Variants in RBBP9 observed in about 807,000 individuals in gnomAD.
RBBP9 encodes the protein RB binding protein 9, serine hydrolase, also known as serine hydrolase RBBP9.
A neutral mutation model predicts 24.2 loss-of-function variants in RBBP9; 20 were observed. The observed-to-expected ratio is 0.83, with a 90% CI of 0.58 to 1.20. RBBP9 has a LOEUF of 1.20. Ranked by LOEUF, RBBP9 falls within the 50% of genes most tolerant of loss-of-function variation. The probability of loss-of-function intolerance (pLI) is 0.00; values close to 1 mark genes in which losing one functional copy is unlikely to be tolerated. For synonymous variants in RBBP9, 74 were observed against 84.6 expected, an observed-to-expected ratio of 0.87 and a Z score of 0.69; for missense variants, 234 against 233.6, an observed-to-expected ratio of 1.00 and a Z score of -0.01.
chr20:18,491,687 A>G (rs1451007317), intron 3 of RBBP9, among the ~76,000 whole-genome samples: 1 of 152,230 alleles, frequency 6.6e-6, no homozygotes, highest in Non-Finnish European at 1.5e-5. Context: ...CATAGTAGTA[A>G]TAATTTCAAG....
intron 3 of RBBP9, among the ~76,000 whole-genome samples, chr20:18,490,868 G>A (rs999663857): frequency 7.9e-5 from 12 of 151,902 alleles, no homozygotes; most frequent in South Asian, 2.1e-4. Flanking sequence ...TAGTAGAGAC[G>A]GGGTTTCACC....
chr20:18,495,876 G>C lies in RBBP9; in HGVS notation c.104C>G (p.Pro35Arg). ...GWVKKELEKI[P>R]GFQCLAKNMP... ...GTTTTTAGCCAAACACTGGAAACCAGGTATCTATGATATGAGGGGGGAGAA... is the reference window on the plus strand; with the variant it reads ...GTTTTTAGCCAAACACTGGAAACCACGTATCTATGATATGAGGGGGGAGAA... The change falls in exon 2 of 5, where the codon CCT (proline) becomes CGT (arginine). Residue 35 changes from proline (P) to arginine (R), a missense_variant. Transcript: ENST00000337227. The C allele has an allele frequency of 6.4e-7, 1 of 1,554,298 alleles. No homozygotes were observed. Among genetic ancestry groups the C allele is most frequent in the Non-Finnish European group, 8.8e-7 (1 of 1,135,084 alleles).
chr20:18,489,988 A>G lies in RBBP9; in HGVS notation c.337T>C (p.Tyr113His). 1 of 1,591,164 alleles carries G rather than the reference A, an allele frequency of 6.3e-7. No homozygotes were observed. Among genetic ancestry groups the G allele is most frequent in the Non-Finnish European group, 8.6e-7 (1 of 1,162,064 alleles). The change falls in exon 5 of 5, where the codon TAC (tyrosine) becomes CAC (histidine). Residue 113 changes from tyrosine to histidine, a missense_variant and splice_region_variant. Coordinates refer to ENST00000337227, the MANE Select transcript of RBBP9 (RefSeq NM_006606.3). Reference protein sequence around the residue: ...LGDENERASGYFTRPWQWEKI... With the variant: ...LGDENERASGHFTRPWQWEKI... Reference sequence around the variant, plus strand: ...TCCCACTGCCAGGGGCGGGTGAAGTATCCTATGGGGAAAAAAAAATGATCT... The same window carrying G: ...TCCCACTGCCAGGGGCGGGTGAAGTGTCCTATGGGGAAAAAAAAATGATCT...
intron 3 of RBBP9, among the ~76,000 whole-genome samples, chr20:18,490,867 C>T (rs754146766): frequency 2.6e-5 from 4 of 151,620 alleles, no homozygotes; most frequent in Admixed American, 6.6e-5. Context: ...TTAGTAGAGA[C>T]GGGGTTTCAC....
In RBBP9 at chr20:18,490,009, G is replaced by A; in HGVS notation, c.335-19C>T. 1 of 1,529,824 alleles carries A rather than the reference G, an allele frequency of 6.5e-7. No individual in the cohort carries two copies. The highest frequency in any genetic ancestry group is 9.0e-7 in the Non-Finnish European group (1 of 1,111,676). 94.8% of individuals were successfully genotyped at this position (1,529,824 alleles called of 1,614,324 possible). ...AAGTATCCTATGGGGAAAAAAAAAT[G>A]ATCTTTCAGTACCCATGGATAATCT... is the stretch of plus-strand genomic sequence containing the variant. On this transcript the variant is annotated intron_variant, in intron 4 of 4. Coordinates refer to ENST00000337227, the MANE Select transcript of RBBP9 (RefSeq NM_006606.3).
At chr20:18,491,903 C>T (rs2059867298) in intron 3 of RBBP9, among the ~76,000 whole-genome samples, 1 of 151,940 alleles carries the variant, frequency 6.6e-6, no homozygotes, top group South Asian at 2.1e-4. Context: ...TCAAGACCAG[C>T]CTGACCAATA....
intron 1 of RBBP9, 139 bp from the exon 2 acceptor site, chr20:18,496,019 G>T: frequency 1.4e-6 from 1 of 740,690 alleles, no homozygotes; most frequent in South Asian, 2.0e-5. Context: ...TAGGTTAAGT[G>T]ACCATCTTTT....
intron 3 of RBBP9, 83 bp from the exon 4 acceptor site, chr20:18,490,563 T>C: frequency 9.7e-7 from 1 of 1,030,586 alleles, no homozygotes; most frequent in Non-Finnish European, 1.5e-6. Context: ...AAAAACTCAT[T>C]TGAGGTAGCC....
chr20:18,495,756 G>T, intron 2 of RBBP9, 82 bp downstream of exon 2: 3 of 1,366,816 alleles, frequency 2.2e-6, no homozygotes, highest in Non-Finnish European at 3.1e-6. Flanking sequence ...CCTCCACTAT[G>T]ATATTCTTGT....
intron 2 of RBBP9, among the ~76,000 whole-genome samples, chr20:18,495,137 G>A (rs2059880922): frequency 6.7e-6 from 1 of 149,902 alleles, no homozygotes; most frequent in Admixed American, 6.7e-5. Flanking sequence ...CAGTTTTGTG[G>A]AATAGAAAGG....
rs1423726203 is a variant in RBBP9, at chr20:18,487,300, GAAGAGTATCAGAATTATTTCTC to G, written c.*2442_*2463del. On this transcript the variant is annotated 3_prime_UTR_variant, in exon 5 of 5. Transcript: ENST00000337227. The stretch of plus-strand genomic sequence containing the variant: ...CTATCTTAATTACTTTTATAGGAAT[GAAGAGTATCAGAATTATTTCTC>G]AATTATATATATTTAGTTTTCATTT... The G allele has an allele frequency of 1.3e-5, 2 of 152,206 alleles. No homozygotes were observed. The highest frequency in any genetic ancestry group is 2.9e-5 in the Non-Finnish European group (2 of 68,038). The allele number at this position is 152,206 out of a possible 1,614,324, so 9.4% of individuals were successfully genotyped here. A position where few individuals can be genotyped will look rare whatever the true frequency, so the allele number is the denominator to read the frequency against.
intron 3 of RBBP9, 108 bp from the exon 4 acceptor site, chr20:18,490,588 G>T: frequency 2.8e-6 from 2 of 720,320 alleles, no homozygotes; most frequent in Non-Finnish European, 4.7e-6. Context: ...GAAAGCACGT[G>T]CTACCTGCTG....
In RBBP9 at chr20:18,490,376, T is replaced by C. The variant is rs766406220; in HGVS notation, c.334+19A>G. The C allele has an allele frequency of 2.3e-5, 36 of 1,597,410 alleles. No homozygotes were observed. Among genetic ancestry groups the C allele is most frequent in the Non-Finnish European group, 2.9e-5 (34 of 1,164,848 alleles). On this transcript the variant is annotated intron_variant, in intron 4 of 4. Coordinates refer to ENST00000337227, the MANE Select transcript of RBBP9 (RefSeq NM_006606.3). ...TGTCTAGAGAAGGGCTTTGCTCAGA[T>C]TTCTACCTTTGGACTTACCACTTGC...
chr20:18,486,760 G>A lies in RBBP9; in HGVS notation c.*3004C>T, dbSNP rs1306836407. 3.9e-5 allele frequency: 6 copies of A among 152,140 alleles called. No homozygotes were observed. Among genetic ancestry groups the A allele is most frequent in the South Asian group, 2.1e-4 (1 of 4,808 alleles). The allele number at this position is 152,140 out of a possible 1,614,324, so 9.4% of individuals were successfully genotyped here. A position where few individuals can be genotyped will look rare whatever the true frequency, so the allele number is the denominator to read the frequency against. On this transcript the variant is annotated 3_prime_UTR_variant, in exon 5 of 5. Coordinates refer to ENST00000337227, the MANE Select transcript of RBBP9 (RefSeq NM_006606.3). ...TACAGTTGATTTCCATTCAGTATTC[G>A]GTATTTTGCTCACCTGAGAATAGAT... is the stretch of plus-strand genomic sequence containing the variant.
At chr20:18,492,003 A>T (rs2059867629) in intron 3 of RBBP9, among the ~76,000 whole-genome samples, 1 of 149,998 alleles carries the variant, frequency 6.7e-6, no homozygotes, top group Non-Finnish European at 1.5e-5. Context: ...AGGCTAAGAC[A>T]GGAGAATTGC....
chr20:18,487,328 T>C lies in RBBP9; in HGVS notation c.*2436A>G, dbSNP rs1249476510. 6.6e-6 allele frequency: 1 copy of C among 152,236 alleles called. No homozygotes were observed. The highest frequency in any genetic ancestry group is 1.5e-5 in the Non-Finnish European group (1 of 68,046). The allele number at this position is 152,236 out of a possible 1,614,324, so 9.4% of individuals were successfully genotyped here. A position where few individuals can be genotyped will look rare whatever the true frequency, so the allele number is the denominator to read the frequency against. On this transcript the variant is annotated 3_prime_UTR_variant, in exon 5 of 5. Transcript: ENST00000337227. ...GAGTATCAGAATTATTTCTCAATTA[T>C]ATATATTTAGTTTTCATTTCTACAG...
intron 2 of RBBP9, among the ~76,000 whole-genome samples, chr20:18,494,893 A>G (rs1045789616): frequency 7.2e-5 from 11 of 152,334 alleles, no homozygotes; most frequent in African/African-American, 2.6e-4. Flanking sequence ...AAATATTTGT[A>G]GACATATAGA....
chr20:18,490,536 A>G lies in RBBP9; in HGVS notation c.249-56T>C, dbSNP rs951085002. On this transcript the variant is annotated intron_variant, in intron 3 of 4. Coordinates refer to ENST00000337227, the MANE Select transcript of RBBP9 (RefSeq NM_006606.3). ...TATAATGTTACCTCTGATCACCAAAAAGTCAATAAACTACTTAAAAACTCA... is the reference window on the plus strand; with the variant it reads ...TATAATGTTACCTCTGATCACCAAAGAGTCAATAAACTACTTAAAAACTCA... The G allele has an allele frequency of 6.8e-6, 9 of 1,329,804 alleles. No individual in the cohort carries two copies. The African/African-American group carries it at 1.3e-4, about 19-fold the overall frequency. The allele number at this position is 1,329,804 out of a possible 1,614,324, so 82.4% of individuals were successfully genotyped here.
At position 18,489,702 on chromosome 20, in the gene RBBP9, A is replaced by G; in HGVS notation, c.*62T>C. 4.5e-6 allele frequency: 5 copies of G among 1,102,322 alleles called. No homozygotes were observed. Among genetic ancestry groups the G allele is most frequent in the Non-Finnish European group, 6.8e-6 (5 of 737,602 alleles). The allele number at this position is 1,102,322 out of a possible 1,614,324, so 68.3% of individuals were successfully genotyped here. A position where few individuals can be genotyped will look rare whatever the true frequency, so the allele number is the denominator to read the frequency against. ...TGGATGTTCTATGTGTCTAGTAATCAGCTGATAGTAGATATTATTCTACTC... is the reference window on the plus strand; with the variant it reads ...TGGATGTTCTATGTGTCTAGTAATCGGCTGATAGTAGATATTATTCTACTC... On this transcript the variant is annotated 3_prime_UTR_variant, in exon 5 of 5. Transcript: ENST00000337227.
Sources: allele counts gnomAD v4.1 joint callset (sites outside exome capture counted in the v4.1 genomes callset), GRCh38; gene constraint gnomAD v4.1.1; transcripts MANE v1.5; gene names NCBI Gene and HGNC (gene_info 2026-07-23, HGNC 2026-07-21).